The following TTC12 variants were observed in gnomAD, a reference collection of about 807,000 sequenced individuals.
The protein encoded by TTC12 is tetratricopeptide repeat domain 12.
Under a neutral mutation model 90.1 loss-of-function variants are expected in TTC12, and 70 were observed. The observed-to-expected ratio is 0.78, with a 90% CI of 0.64 to 0.95. TTC12 has a LOEUF of 0.95. TTC12 is among the 40% of genes least tolerant of loss of function. The pLI is 0.00. For synonymous variants in TTC12, 296 were observed against 311.5 expected, an observed-to-expected ratio of 0.95 and a Z score of 0.53; for missense variants, 819 against 846.1, an observed-to-expected ratio of 0.97 and a Z score of 0.40.
At chr11:113,350,420 A>G (rs1199688168) in intron 14 of TTC12, among the ~76,000 whole-genome samples, 2 of 152,180 alleles carry the variant, frequency 1.3e-5, no homozygotes, top group Non-Finnish European at 2.9e-5. Flanking sequence ...TGCCTCTCAC[A>G]GTAGGCAAGC....
intron 7 of TTC12, among the ~76,000 whole-genome samples, chr11:113,330,633 A>G (rs1948001977): frequency 1.3e-5 from 2 of 152,212 alleles, no homozygotes; most frequent in Admixed American, 6.5e-5. Flanking sequence ...ACATTCCCCT[A>G]AAGTACTCTG....
intron 20 of TTC12, 142 bp from the exon 21 acceptor site, chr11:113,364,693 G>T (rs1040880409): frequency 6.1e-6 from 4 of 660,034 alleles, no homozygotes; most frequent in Non-Finnish European, 8.1e-6. Flanking sequence ...GTTTGCTGAT[G>T]AGTAAGTGAA....
intron 11 of TTC12, chr11:113,341,625 G>T (rs1401805898): frequency 1.3e-5 from 7 of 553,528 alleles, no homozygotes; most frequent in Middle Eastern, 4.9e-4. Flanking sequence ...TCACTGCCCA[G>T]CCTCTGTGCA....
rs1949791786 is a variant in TTC12 at position 113,359,374 on chromosome 11, G to C, written c.1458G>C (p.Glu486Asp). Residue 486 changes from glutamate to aspartate, a missense_variant, in exon 17 of 22, where the codon GAG (glutamate) becomes GAC (aspartate). Coordinates refer to ENST00000529221, the MANE Select transcript of TTC12 (RefSeq NM_017868.4). ...DGCLSLLARC[E>D]EDVDLFREVI... Reference sequence around the variant, plus strand: ...TTTTGTTTCCCAAGGCCAGGTGTGAGGAGGATGTGGACCTGTTCAGAGAGG... The same window carrying C: ...TTTTGTTTCCCAAGGCCAGGTGTGACGAGGATGTGGACCTGTTCAGAGAGG... 6.2e-7 allele frequency: 1 copy of C among 1,608,882 alleles called. No individual in the cohort carries two copies. The highest frequency in any genetic ancestry group is 1.3e-5 in the African/African-American group (1 of 74,798).
At position 113,364,639 on chromosome 11, in the gene TTC12, A is replaced by T. The variant is rs745493582; in HGVS notation, c.1817-196A>T. 1.0e-4 allele frequency: 61 copies of T among 591,302 alleles called. 2 individuals carry two copies. Among genetic ancestry groups the T allele is most frequent in the Admixed American group, 7.3e-4 (26 of 35,620 alleles). 36.6% of individuals were successfully genotyped at this position (591,302 alleles called of 1,614,324 possible). On this transcript the variant is annotated intron_variant, in intron 20 of 21. Transcript: ENST00000529221. The stretch of plus-strand genomic sequence containing the variant: ...GTTCTAGGAAGCGGAGATACTTCAG[A>T]GGTTCAGCAAGGAGTTGAGGAGGTT...
intron 2 of TTC12, among the ~76,000 whole-genome samples, chr11:113,321,652 AT>A: frequency 6.6e-6 from 1 of 152,320 alleles, no homozygotes; most frequent in East Asian, 1.9e-4. Flanking sequence ...AGTGGAGCCT[AT>A]TTCTCTGCCA....
chr11:113,340,804 C>A, intron 11 of TTC12, 71 bp downstream of exon 11: 1 of 1,295,666 alleles, frequency 7.7e-7, no homozygotes, highest in Non-Finnish European at 1.1e-6. Context: ...AAATCAGACA[C>A]GAGGCACATA....
intron 16 of TTC12, among the ~76,000 whole-genome samples, chr11:113,358,839 C>T (rs1949763378): frequency 6.6e-6 from 1 of 152,156 alleles, no homozygotes; most frequent in African/African-American, 2.4e-5. Context: ...GTTCAACTCA[C>T]CCATTCCCCA....
At chr11:113,363,534 C>T (rs1950048801) in intron 19 of TTC12, among the ~76,000 whole-genome samples, 1 of 152,190 alleles carries the variant, frequency 6.6e-6, no homozygotes, top group African/African-American at 2.4e-5. Flanking sequence ...CATTCATCAG[C>T]ATCATTCTCT....
intron 15 of TTC12, 95 bp from the exon 16 acceptor site, chr11:113,351,967 GGTTGGTTC>G: frequency 7.5e-7 from 1 of 1,337,678 alleles, no homozygotes; most frequent in Non-Finnish European, 1.0e-6. Flanking sequence ...GAAGCTATCT[GGTTGGTTC>G]GTGGGCCTTT....
intron 17 of TTC12, among the ~76,000 whole-genome samples, chr11:113,359,728 A>C (rs1352181318): frequency 6.6e-6 from 1 of 152,182 alleles, no homozygotes; most frequent in Non-Finnish European, 1.5e-5. Flanking sequence ...TACAAAGTCA[A>C]ATAAAAGGCG....
chr11:113,352,427 A>G (rs1394349559), intron 16 of TTC12, among the ~76,000 whole-genome samples: 2 of 151,818 alleles, frequency 1.3e-5, no homozygotes, highest in African/African-American at 4.8e-5. Flanking sequence ...GATTTTTTTT[A>G]ATTTTTAAAA....
chr11:113,323,556 T>A (rs1480556854), intron 3 of TTC12, 105 bp downstream of exon 3: 2 of 705,870 alleles, frequency 2.8e-6, no homozygotes, highest in African/African-American at 3.7e-5. Context: ...AATGGTCTTT[T>A]GTTTCTTAGA....
At chr11:113,324,315 T>TA (rs1555140047) in intron 4 of TTC12, 1 of 540,698 alleles carries the variant, frequency 1.8e-6, no homozygotes, top group African/African-American at 1.9e-5. Flanking sequence ...CTCATTATGC[T>TA]AAACGGAACA....
downstream of TTC12, chr11:113,368,403 A>C: frequency 6.5e-7 from 1 of 1,548,806 alleles, no homozygotes; most frequent in Non-Finnish European, 8.7e-7. Flanking sequence ...ATCTTTCAGA[A>C]GGCCTCATCT....
intron 6 of TTC12, 48 bp from the exon 7 acceptor site, chr11:113,329,872 G>T (rs782458735): frequency 7.9e-5 from 119 of 1,504,024 alleles, no homozygotes; most frequent in Non-Finnish European, 1.0e-4. Context: ...ACTGAAAACT[G>T]CCTGATGCAG....
chr11:113,373,172 G>A (rs1950429089), exon 22 of TTC12: 4 of 985,356 alleles, frequency 4.1e-6, no homozygotes, highest in African/African-American at 3.5e-5. Flanking sequence ...CCAAGATCTA[G>A]ACCAGGTACT....
rs782709398 is a variant in TTC12, at chr11:113,362,382, C to T, written c.1615-19C>T. ...TTTCTGAAAAGGACATTTAATTATC[C>T]TCTTTCTGCTGTACTCAGAGAGCTG... is the stretch of plus-strand genomic sequence containing the variant. On this transcript the variant is annotated intron_variant, in intron 18 of 21. Transcript: ENST00000529221. The T allele has an allele frequency of 2.5e-6, 4 of 1,580,470 alleles. No homozygotes were observed. The highest frequency in any genetic ancestry group is 1.1e-5 in the South Asian group (1 of 89,192).
chr11:113,337,881 C>T (rs1011110557), intron 8 of TTC12, among the ~76,000 whole-genome samples: 3 of 151,974 alleles, frequency 2.0e-5, no homozygotes, highest in Admixed American at 2.0e-4. Flanking sequence ...ACAGTGAAGC[C>T]AACAAAAATT....
Sources: allele counts gnomAD v4.1 joint callset (sites outside exome capture counted in the v4.1 genomes callset), GRCh38; gene constraint gnomAD v4.1.1; transcripts MANE v1.5; gene names NCBI Gene and HGNC (gene_info 2026-07-23, HGNC 2026-07-21).